The following AMD1 variants were observed in gnomAD, a reference collection of about 807,000 sequenced individuals.
AMD1 encodes S-adenosylmethionine decarboxylase proenzyme.
In AMD1, 11 loss-of-function variants were observed where a neutral mutation model predicts 40.2. The ratio of observed to expected loss-of-function variants is 0.27; its 90% CI spans 0.17 to 0.45. The LOEUF (loss-of-function observed/expected upper bound fraction) is 0.45, where lower values mean the gene tolerates loss of function less well. Ranked by LOEUF, AMD1 falls within the 20% of genes least tolerant of loss-of-function variation. AMD1 has a pLI of 1.00. For synonymous variants in AMD1, 121 were observed against 130.8 expected (o/e 0.93, Z 0.51); for missense variants, 257 against 410.2 (o/e 0.63, Z 3.23).
Position 110,875,163 on chromosome 6 carries a change from C to T in AMD1, c.58C>T (p.Arg20Trp), listed in dbSNP as rs777727416. ...TEKLLEVWFS[R>W]QQPDANQGSG... ...GAAGCTGCTGGAGGTTTGGTTCTCC[C>T]GGCAGCAGCCCGACGCAAACCAAGG... Residue 20 changes from arginine (R) to tryptophan (W), a missense_variant, in exon 1 of 9, where the codon CGG (arginine) becomes TGG (tryptophan). Coordinates refer to ENST00000368885, the MANE Select transcript of AMD1 (RefSeq NM_001634.6). The T allele has an allele frequency of 7.4e-6, 12 of 1,613,174 alleles. No individual in the cohort carries two copies. The highest frequency in any genetic ancestry group is 2.2e-5 in the South Asian group (2 of 90,966).
At chr6:110,815,223 T>G in the AMD1 span, 4 of 1,341,206 alleles carry the variant, frequency 3.0e-6, no homozygotes, top group Admixed American at 3.2e-5. Context: ...GCCGCTCCAC[T>G]TCTCCAACAG....
In AMD1 at chr6:110,875,464, G is replaced by GCGCGGC; in HGVS notation, c.110+254_110+259dup. 3 of 427,640 alleles carry GCGCGGC rather than the reference G, an allele frequency of 7.0e-6. No individual in the cohort carries two copies. The South Asian group carries it at 1.1e-4, about 16-fold the overall frequency. 26.5% of individuals were successfully genotyped at this position (427,640 alleles called of 1,614,324 possible). ...TGCCCTGGGGGAGGGGAGGAGGCCG[G>GCGCGGC]CGCGGCCGCGTGCTCAGGTAACGTC... On this transcript the variant is annotated intron_variant, in intron 1 of 8. Transcript: ENST00000368885.
At chr6:110,878,762 T>C (rs1331473348) in intron 1 of AMD1, among the ~76,000 whole-genome samples, 1 of 152,150 alleles carries the variant, frequency 6.6e-6, no homozygotes, top group Non-Finnish European at 1.5e-5. Flanking sequence ...AAAATTTTGC[T>C]GAGAAAAGAA....
chr6:110,892,797 T>C lies in AMD1; in HGVS notation c.678T>C (p.Cys226=), dbSNP rs1188767750. 12 of 1,613,966 alleles carry C rather than the reference T, an allele frequency of 7.4e-6. No homozygotes were observed. Among genetic ancestry groups the C allele is most frequent in the Middle Eastern group, 1.7e-4 (1 of 6,058 alleles). The change falls in exon 7 of 9, where the codon TGT becomes TGC. Residue 226 remains cysteine (C), a synonymous_variant. Coordinates refer to ENST00000368885, the MANE Select transcript of AMD1 (RefSeq NM_001634.6). The part of the protein sequence containing the change: ...SVIDATMFNP[C]GYSMNGMKSD... ...TTGATGCCACAATGTTCAATCCTTG[T>C]GGGTATTCGATGAATGGAATGAAAT... is the stretch of plus-strand genomic sequence containing the variant.
the AMD1 span, among the ~76,000 whole-genome samples, chr6:110,868,248 T>C: frequency 6.6e-6 from 1 of 151,934 alleles, no homozygotes; most frequent in Non-Finnish European, 1.5e-5. Flanking sequence ...CCCGGGTTCA[T>C]GCCATTCTTC....
At chr6:110,845,770 A>C in the AMD1 span, among the ~76,000 whole-genome samples, 14 of 152,228 alleles carry the variant, frequency 9.2e-5, no homozygotes, top group South Asian at 2.1e-4. Context: ...CTCAGCTTGC[A>C]GACAGCCTAC....
chr6:110,846,191 A>G, the AMD1 span, among the ~76,000 whole-genome samples: 1 of 152,168 alleles, frequency 6.6e-6, no homozygotes, highest in Non-Finnish European at 1.5e-5. Context: ...GTGAGCTGAG[A>G]TCGCGCCACT....
At chr6:110,879,712 T>TA (rs1339932150) in intron 1 of AMD1, among the ~76,000 whole-genome samples, 1 of 152,082 alleles carries the variant, frequency 6.6e-6, no homozygotes, top group Non-Finnish European at 1.5e-5. Flanking sequence ...GACCTAAAAA[T>TA]ATGAGGTAAG....
At chr6:110,891,955 C>T in intron 4 of AMD1, 1 of 613,008 alleles carries the variant, frequency 1.6e-6, no homozygotes, top group Admixed American at 3.0e-5. Flanking sequence ...GTTGGCCAGG[C>T]TCGAACTCTT....
chr6:110,873,654 A>C (rs1295359522), upstream of AMD1, among the ~76,000 whole-genome samples: 1 of 152,142 alleles, frequency 6.6e-6, no homozygotes, highest in Non-Finnish European at 1.5e-5. Context: ...CCATATTCCC[A>C]AGTAAAAGTA....
chr6:110,887,055 A>G (rs1785732311), intron 1 of AMD1, among the ~76,000 whole-genome samples: 1 of 152,182 alleles, frequency 6.6e-6, no homozygotes. Flanking sequence ...GTGCTATAAG[A>G]GTAACATCAC....
rs1360810846 is a variant in AMD1 at position 110,878,717 on chromosome 6, TGA to T, written c.110+3506_110+3507del. On this transcript the variant is annotated intron_variant, in intron 1 of 8. Coordinates refer to ENST00000368885, the MANE Select transcript of AMD1 (RefSeq NM_001634.6). ...TAAGACATGGCAGCTTTAGGGAGGG[TGA>T]GAGTAGTAAGAAGGAAATCTGTTAG... Among the ~76,000 whole-genome samples the T allele has an allele frequency of 1.8e-4, 27 of 151,920 alleles. No individual in the cohort carries two copies. The East Asian group carries it at 5.2e-3, about 29-fold the overall frequency.
chr6:110,886,384 A>G (rs1785686777), intron 1 of AMD1, among the ~76,000 whole-genome samples: 1 of 151,962 alleles, frequency 6.6e-6, no homozygotes. Flanking sequence ...CCCAATCCCA[A>G]AGTGCTAGGA....
intron 1 of AMD1, among the ~76,000 whole-genome samples, chr6:110,886,052 T>C (rs1473900649): frequency 6.6e-6 from 1 of 152,010 alleles, no homozygotes; most frequent in African/African-American, 2.4e-5. Context: ...GTCAGTAGTA[T>C]GAGACCAGCC....
intron 1 of AMD1, among the ~76,000 whole-genome samples, chr6:110,875,960 C>T (rs1297144987): frequency 6.6e-6 from 1 of 152,146 alleles, no homozygotes; most frequent in Non-Finnish European, 1.5e-5. Context: ...GGGGGCTGCT[C>T]CCCAATCTCT....
the AMD1 span, among the ~76,000 whole-genome samples, chr6:110,861,200 C>T: frequency 7.9e-5 from 12 of 151,830 alleles, no homozygotes; most frequent in Admixed American, 3.3e-4. Flanking sequence ...CTACTATAAA[C>T]ACAAAAAATT....
At chr6:110,881,411 C>T (rs1380568615) in intron 1 of AMD1, among the ~76,000 whole-genome samples, 1 of 152,150 alleles carries the variant, frequency 6.6e-6, no homozygotes, top group East Asian at 1.9e-4. Flanking sequence ...AGTTGAGAAC[C>T]ACTGAGTTAG....
At chr6:110,825,156 G>C in the AMD1 span, among the ~76,000 whole-genome samples, 1 of 152,136 alleles carries the variant, frequency 6.6e-6, no homozygotes, top group Non-Finnish European at 1.5e-5. Flanking sequence ...AGGTTTCATT[G>C]ATAAATTAGG....
At chr6:110,821,231 A>G in the AMD1 span, among the ~76,000 whole-genome samples, 1 of 152,318 alleles carries the variant, frequency 6.6e-6, no homozygotes, top group Non-Finnish European at 1.5e-5. Context: ...TTAGTTCAAC[A>G]TGCCAAAGTG....
Sources: gnomAD v4.1 joint callset for allele counts (sites outside exome capture counted in the v4.1 genomes callset) on GRCh38, gnomAD v4.1.1 for gene constraint, MANE v1.5 for transcripts, NCBI Gene and HGNC (gene_info 2026-07-23, HGNC 2026-07-21) for gene names.